The following GALNTL6 variants were observed in gnomAD, a reference collection of about 807,000 sequenced individuals.
GALNTL6 encodes polypeptide N-acetylgalactosaminyltransferase-like 6.
GALNTL6 carries 46 observed loss-of-function variants against 73.7 expected under a neutral mutation model. The ratio of observed to expected loss-of-function variants is 0.62; its 90% confidence interval spans 0.49 to 0.80. GALNTL6 has a LOEUF of 0.80. GALNTL6 is among the 30% of genes least tolerant of loss of function. The pLI, the probability that GALNTL6 is intolerant of heterozygous loss-of-function variation, is 0.00. For missense variants in GALNTL6, 604 were observed against 755.0 expected, an observed-to-expected ratio of 0.80 and a Z score of 2.34; for synonymous variants, 259 against 263.7, an observed-to-expected ratio of 0.98 and a Z score of 0.17.
chr4:172,971,551 G>GTTTGCTGAT (rs1275141714), intron 10 of GALNTL6, among the ~76,000 whole-genome samples: 7 of 152,156 alleles, frequency 4.6e-5, no homozygotes, highest in African/African-American at 1.7e-4. Context: ...AGCAGAATAC[G>GTTTGCTGAT]TTTGCTGATT....
chr4:172,999,619 A>T (rs1751955309), intron 10 of GALNTL6, among the ~76,000 whole-genome samples: 1 of 152,094 alleles, frequency 6.6e-6, no homozygotes, highest in South Asian at 2.1e-4. Flanking sequence ...CCATCTTCCA[A>T]ATTTCAGACT....
chr4:172,840,944 C>T (rs1468040991), intron 7 of GALNTL6, among the ~76,000 whole-genome samples: 1 of 152,126 alleles, frequency 6.6e-6, no homozygotes, highest in Non-Finnish European at 1.5e-5. Context: ...GCATTTATGC[C>T]CAACACAGTG....
chr4:172,587,158 G>C (rs916411253), intron 5 of GALNTL6, among the ~76,000 whole-genome samples: 1 of 152,096 alleles, frequency 6.6e-6, no homozygotes, highest in Non-Finnish European at 1.5e-5. Flanking sequence ...ACGATCCCCT[G>C]TTCACCTGTT....
At chr4:172,457,883 TC>T (rs778353568) in intron 5 of GALNTL6, among the ~76,000 whole-genome samples, 8 of 152,136 alleles carry the variant, frequency 5.3e-5, no homozygotes, top group Admixed American at 1.3e-4. Context: ...TACAGAACTC[TC>T]CACCCCAAAT....
At chr4:173,038,538 G>A (rs1477382351) in intron 12 of GALNTL6, among the ~76,000 whole-genome samples, 2 of 152,202 alleles carry the variant, frequency 1.3e-5, no homozygotes, top group Non-Finnish European at 2.9e-5. Flanking sequence ...GGAGATCTCA[G>A]GAGCCCTCTT....
At chr4:172,713,269 T>TGTGTGTGTAG (rs1430883282) in intron 5 of GALNTL6, among the ~76,000 whole-genome samples, 3 of 146,406 alleles carry the variant, frequency 2.0e-5, no homozygotes, top group South Asian at 2.2e-4. Context: ...TGTGTGTGTT[T>TGTGTGTGTAG]AGAGAGAAAG....
At chr4:171,935,473 C>CT (rs1553971772) in intron 2 of GALNTL6, among the ~76,000 whole-genome samples, 1 of 152,050 alleles carries the variant, frequency 6.6e-6, no homozygotes, top group Non-Finnish European at 1.5e-5. Context: ...CACTGACTCT[C>CT]TTTTTTCTGT....
intron 7 of GALNTL6, among the ~76,000 whole-genome samples, chr4:172,868,127 A>C (rs906529295): frequency 3.9e-5 from 6 of 152,198 alleles, no homozygotes; most frequent in African/African-American, 1.4e-4. Flanking sequence ...TTTACAGCCA[A>C]AACCGAATAT....
chr4:173,034,732 C>A (rs1753613517), intron 12 of GALNTL6, among the ~76,000 whole-genome samples: 1 of 152,140 alleles, frequency 6.6e-6, no homozygotes, highest in Non-Finnish European at 1.5e-5. Context: ...CCCTGGCACT[C>A]CAGGTCCTTC....
chr4:172,625,407 T>A (rs1306790311), intron 5 of GALNTL6, among the ~76,000 whole-genome samples: 2 of 152,112 alleles, frequency 1.3e-5, no homozygotes, highest in African/African-American at 2.4e-5. Context: ...CCATGCTGTG[T>A]ATGTACCACA....
chr4:172,594,893 A>G lies in GALNTL6; in HGVS notation c.554-214468A>G, dbSNP rs538402726. Among the ~76,000 whole-genome samples, 10 of 152,330 alleles carry G rather than the reference A, an allele frequency of 6.6e-5. No homozygotes were observed. The South Asian group carries it at 1.7e-3, about 25-fold the overall frequency. ...GTTCTAGCTGCTATAACAAAGTACC[A>G]TAGGCTGAATGGCTTATAAACAACA... On this transcript the variant is annotated intron_variant, in intron 5 of 12. Transcript: ENST00000506823.
intron 5 of GALNTL6, among the ~76,000 whole-genome samples, chr4:172,641,259 A>T (rs1739960944): frequency 6.6e-6 from 1 of 152,124 alleles, no homozygotes; most frequent in African/African-American, 2.4e-5. Context: ...GATCTTTTTA[A>T]GACATAAGTC....
At chr4:172,185,202 T>C (rs1025584519) in intron 2 of GALNTL6, among the ~76,000 whole-genome samples, 72 of 152,278 alleles carry the variant, frequency 4.7e-4, no homozygotes, top group African/African-American at 1.6e-3. Flanking sequence ...AAATAAAATA[T>C]CAGGCAAAAA....
At chr4:172,377,320 G>T (rs1743068365) in intron 5 of GALNTL6, among the ~76,000 whole-genome samples, 1 of 152,004 alleles carries the variant, frequency 6.6e-6, no homozygotes, top group Non-Finnish European at 1.5e-5. Context: ...AAGTTCTCCA[G>T]GTCCCCACCA....
chr4:172,059,641 A>G (rs556416528), intron 2 of GALNTL6, among the ~76,000 whole-genome samples: 4 of 152,188 alleles, frequency 2.6e-5, no homozygotes, highest in African/African-American at 9.7e-5. Flanking sequence ...AGCTGAAAAA[A>G]AGTCATGATT....
intron 2 of GALNTL6, among the ~76,000 whole-genome samples, chr4:171,970,080 T>C (rs1229995402): frequency 6.6e-6 from 1 of 152,194 alleles, no homozygotes; most frequent in Non-Finnish European, 1.5e-5. Flanking sequence ...CCAAACCACC[T>C]TTAAAGAATG....
At chr4:172,724,148 A>T (rs1055431652) in intron 5 of GALNTL6, among the ~76,000 whole-genome samples, 3 of 152,146 alleles carry the variant, frequency 2.0e-5, no homozygotes, top group Non-Finnish European at 2.9e-5. Flanking sequence ...AGTCCTGTAT[A>T]TTATTGCTCA....
chr4:172,739,820 G>GA (rs932353436), intron 5 of GALNTL6, among the ~76,000 whole-genome samples: 28 of 151,416 alleles, frequency 1.8e-4, no homozygotes, highest in African/African-American at 5.8e-4. Context: ...AGCTGTAGCT[G>GA]AAAAAAAGAA....
At chr4:172,061,052 A>G (rs796513954) in intron 2 of GALNTL6, among the ~76,000 whole-genome samples, 5 of 152,352 alleles carry the variant, frequency 3.3e-5, no homozygotes, top group African/African-American at 1.2e-4. Flanking sequence ...AAGAAAATAC[A>G]CATACATATT....
Sources: gnomAD v4.1 joint callset for allele counts (sites outside exome capture counted in the v4.1 genomes callset) on GRCh38, gnomAD v4.1.1 for gene constraint, MANE v1.5 for transcripts, NCBI Gene and HGNC (gene_info 2026-07-23, HGNC 2026-07-21) for gene names.